TRIP6: variants seen among roughly 807,000 people sequenced by gnomAD.
TRIP6 encodes the protein thyroid hormone receptor interactor 6.
In TRIP6, 33 loss-of-function variants were observed where a neutral mutation model predicts 51.9. The observed-to-expected ratio is 0.64, with a 90% CI of 0.48 to 0.85. The LOEUF (loss-of-function observed/expected upper bound fraction) is 0.85, where lower values mean the gene tolerates loss of function less well. Ranked by LOEUF, TRIP6 falls within the 40% of genes least tolerant of loss-of-function variation. The pLI is 0.00. For synonymous variants in TRIP6, 255 were observed against 275.8 expected (o/e 0.92, Z 0.75); for missense variants, 661 against 652.1 (o/e 1.01, Z -0.15).
Position 100,872,618 on chromosome 7 carries a change from C to T in TRIP6, c.1179-6C>T, listed in dbSNP as rs771410636. Reference sequence around the variant, plus strand: ...TGATGGCCTTCTTGGTTCTCTTCCCCTGCAGGAAGTTTGCCCCAAGATGCT... The same window carrying T: ...TGATGGCCTTCTTGGTTCTCTTCCCTTGCAGGAAGTTTGCCCCAAGATGCT... On this transcript the variant is annotated splice_polypyrimidine_tract_variant and splice_region_variant and intron_variant, in intron 7 of 8. Coordinates refer to ENST00000200457, the MANE Select transcript of TRIP6 (RefSeq NM_003302.3). 6.2e-7 allele frequency: 1 copy of T among 1,613,964 alleles called. No homozygotes were observed. Among genetic ancestry groups the T allele is most frequent in the Admixed American group, 1.7e-5 (1 of 59,996 alleles).
rs926507013 is a variant in TRIP6 at position 100,870,914 on chromosome 7, A to G, written c.999+171A>G. ...CTGCAAGTATCAAGCAAGTAGCTTAACACTGGTGGCTGAAGGGAAGGACGC... is the reference window on the plus strand; with the variant it reads ...CTGCAAGTATCAAGCAAGTAGCTTAGCACTGGTGGCTGAAGGGAAGGACGC... On this transcript the variant is annotated intron_variant, in intron 6 of 8. Transcript: ENST00000200457. 8.8e-6 allele frequency: 8 copies of G among 910,004 alleles called. No homozygotes were observed. In the African/African-American group the frequency reaches 1.3e-4, roughly 15 times the overall value. 56.4% of individuals were successfully genotyped at this position (910,004 alleles called of 1,614,324 possible).
rs61748947 is a variant in TRIP6, at chr7:100,873,202, G to A, written c.1330G>A (p.Glu444Lys). ...ECGLLLSSEG[E>K]CQGCYPLDGH... ...TGGGCTGCTGCTCTCCTCTGAGGGC[G>A]AGTGTCAGGGCTGCTACCCGCTGGA... is the stretch of plus-strand genomic sequence containing the variant. The change falls in exon 9 of 9, where the codon GAG becomes AAG. Residue 444 changes from glutamate to lysine, a missense_variant. Transcript: ENST00000200457. 402 of 1,613,430 alleles carry A rather than the reference G, an allele frequency of 2.5e-4. 4 individuals are homozygous for A. The African/African-American group carries it at 4.9e-3, about 19-fold the overall frequency.
chr7:100,870,521 G>GA, intron 5 of TRIP6, 53 bp from the exon 6 acceptor site: 1 of 1,606,972 alleles, frequency 6.2e-7, no homozygotes, highest in Non-Finnish European at 8.5e-7. Context: ...AGACAGAGGG[G>GA]ACAGTGGCTT....
At chr7:100,872,852 CTTTTTT>C in intron 8 of TRIP6, 108 bp downstream of exon 8, 9 of 1,179,286 alleles carry the variant, frequency 7.6e-6, no homozygotes, top group East Asian at 3.1e-5. Context: ...TTGCTTCTTT[CTTTTTT>C]TTTTTTTTTT....
intron 7 of TRIP6, 119 bp downstream of exon 7, chr7:100,871,840 A>G: frequency 7.6e-7 from 1 of 1,307,516 alleles, no homozygotes; most frequent in Non-Finnish European, 1.0e-6. Context: ...GTTCTTTGTT[A>G]TTGTTATTTT....
At position 100,873,169 on chromosome 7, in the gene TRIP6, C is replaced by T. The variant is rs1815312397; in HGVS notation, c.1300-3C>T. 1.9e-6 allele frequency: 3 copies of T among 1,609,038 alleles called. No homozygotes were observed. Among genetic ancestry groups the T allele is most frequent in the Non-Finnish European group, 2.5e-6 (3 of 1,176,716 alleles). On this transcript the variant is annotated splice_polypyrimidine_tract_variant and splice_region_variant and intron_variant, in intron 8 of 8. Transcript: ENST00000200457. ...CGGCCAATTGTTGCTTCTTTTTCAA[C>T]AGGAGTGTGGGCTGCTGCTCTCCTC...
At position 100,867,592 on chromosome 7, in the gene TRIP6, C is replaced by T. The variant is rs1295296523; in HGVS notation, c.95C>T (p.Pro32Leu). ...CCCCGCGGCACCCCGGGGCCACCAC[C>T]GGCCCACGGAGCAGGTAAGGCAGCC... ...AIPRGTPGPPPAHGAALQPHP... is the reference protein window; with the variant it reads ...AIPRGTPGPPLAHGAALQPHP... The change falls in exon 1 of 9, where the codon CCG becomes CTG. Residue 32 changes from proline to leucine, a missense_variant. Physicochemically the swap from Pro to Leu is moderately conservative, Grantham distance 98 (BLOSUM62 -3). Transcript: ENST00000200457. This position sits in a 1 kb window ranked among gnomAD's most constrained non-coding sequence, Gnocchi z 5.4. 3.2e-6 allele frequency: 5 copies of T among 1,539,708 alleles called. No individual in the cohort carries two copies. The African/African-American group carries it at 4.1e-5, about 13-fold the overall frequency.
rs1193592859 is a variant in TRIP6 at position 100,873,127 on chromosome 7, GC to G, written c.1300-44del. On this transcript the variant is annotated intron_variant, in intron 8 of 8. Transcript: ENST00000200457. The stretch of plus-strand genomic sequence containing the variant: ...GCTTCTCAAAGTGCTGGGATTACAG[GC>G]GTGAGCCATCGCGCCCGGCCAATTG... 3 of 1,595,062 alleles carry G rather than the reference GC, an allele frequency of 1.9e-6. No homozygotes were observed. The Admixed American group carries it at 5.0e-5, about 27-fold the overall frequency.
In TRIP6 at chr7:100,873,323, C is replaced by G. The variant is rs1584720874; in HGVS notation, c.*20C>G. The G allele has an allele frequency of 1.3e-6, 2 of 1,588,736 alleles. No homozygotes were observed. Among genetic ancestry groups the G allele is most frequent in the Non-Finnish European group, 8.6e-7 (1 of 1,161,256 alleles). ...TGCTGAGTCTTCCTAGAAGTACCTGCTGGGTTCTCAGTTCCAGTTCCCATC... is the reference window on the plus strand; with the variant it reads ...TGCTGAGTCTTCCTAGAAGTACCTGGTGGGTTCTCAGTTCCAGTTCCCATC... On this transcript the variant is annotated 3_prime_UTR_variant, in exon 9 of 9. Transcript: ENST00000200457.
chr7:100,869,344 C>A (rs973733250), intron 4 of TRIP6, among the ~76,000 whole-genome samples: 3 of 150,974 alleles, frequency 2.0e-5, no homozygotes, highest in Admixed American at 2.0e-4. Flanking sequence ...ATAGAACTGC[C>A]CATTGGGGCT....
In TRIP6 at chr7:100,868,079, C is replaced by G. The variant is rs1324386773; in HGVS notation, c.238-29C>G. 3 of 1,609,930 alleles carry G rather than the reference C, an allele frequency of 1.9e-6. No individual in the cohort carries two copies. In the African/African-American group the frequency reaches 4.0e-5, roughly 22 times the overall value. On this transcript the variant is annotated intron_variant, in intron 2 of 8. Transcript: ENST00000200457. ...ACAGGAGAAGGCCTATGGTGATTTG[C>G]ATTCTTCCTGCCCTGGCTCCATCCT...
chr7:100,868,105 C>T lies in TRIP6; in HGVS notation c.238-3C>T. On this transcript the variant is annotated splice_polypyrimidine_tract_variant and splice_region_variant and intron_variant, in intron 2 of 8. Transcript: ENST00000200457. ...ATTCTTCCTGCCCTGGCTCCATCCTCAGGGGCTCCCTGCAGACAGGGGGGG... is the reference window on the plus strand; with the variant it reads ...ATTCTTCCTGCCCTGGCTCCATCCTTAGGGGCTCCCTGCAGACAGGGGGGG... 5 of 1,613,026 alleles carry T rather than the reference C, an allele frequency of 3.1e-6. No individual in the cohort carries two copies. Among genetic ancestry groups the T allele is most frequent in the Non-Finnish European group, 4.2e-6 (5 of 1,179,718 alleles).
chr7:100,872,758 A>G lies in TRIP6; in HGVS notation c.1299+14A>G. On this transcript the variant is annotated intron_variant, in intron 8 of 8. Transcript: ENST00000200457. Reference sequence around the variant, plus strand: ...TACAAGTGCGAGGTCAGGGGCCCCCAGCACGTGCAAGGGGCTGGCAGTGTC... The same window carrying G: ...TACAAGTGCGAGGTCAGGGGCCCCCGGCACGTGCAAGGGGCTGGCAGTGTC... 6.2e-7 allele frequency: 1 copy of G among 1,613,390 alleles called. No homozygotes were observed. Among genetic ancestry groups the G allele is most frequent in the Non-Finnish European group, 8.5e-7 (1 of 1,179,580 alleles).
rs148904920 is a variant in TRIP6 at position 100,872,651 on chromosome 7, C to T, written c.1206C>T (p.Cys402=). Residue 402 remains cysteine (C), a synonymous_variant, in exon 8 of 9, where the codon TGC becomes TGT. Transcript: ENST00000200457. The part of the protein sequence containing the change: ...HRKFAPRCSV[C]GGAIMPEPGQ... ...AGTTTGCCCCAAGATGCTCAGTGTG[C>T]GGTGGGGCCATAATGCCTGAGCCAG... is the stretch of plus-strand genomic sequence containing the variant. 45 of 1,613,916 alleles carry T rather than the reference C, an allele frequency of 2.8e-5. 1 individual carries two copies. Among genetic ancestry groups the T allele is most frequent in the South Asian group, 1.1e-4 (10 of 91,072 alleles).
chr7:100,868,443 G>C, intron 3 of TRIP6, 52 bp from the exon 4 acceptor site: 2 of 1,611,530 alleles, frequency 1.2e-6, no homozygotes, highest in Non-Finnish European at 1.7e-6. Flanking sequence ...CACAAATGTG[G>C]GTCTTGGAGT....
chr7:100,867,941 C>T lies in TRIP6; in HGVS notation c.190C>T (p.Arg64Trp), dbSNP rs146406416. 958 of 1,514,452 alleles carry T rather than the reference C, an allele frequency of 6.3e-4. 1 individual carries two copies. Among genetic ancestry groups the T allele is most frequent in the Non-Finnish European group, 8.0e-4 (906 of 1,135,748 alleles). The allele number at this position is 1,514,452 out of a possible 1,614,324, so 93.8% of individuals were successfully genotyped here. ...CCAGGCCCCAGGGGGACCGGAGGAT[C>T]GGGGGCCGGCGTGGGTGGGGTCCCA... ...CYQAPGGPEDRGPAWVGSHGV... is the reference protein window; with the variant it reads ...CYQAPGGPEDWGPAWVGSHGV... Residue 64 changes from arginine to tryptophan, a missense_variant, in exon 2 of 9, where the codon CGG becomes TGG. Transcript: ENST00000200457. This position sits in a 1 kb window ranked among gnomAD's most constrained non-coding sequence, Gnocchi z 5.4.
chr7:100,867,429 C>A lies in TRIP6; in HGVS notation c.-69C>A. 8.6e-7 allele frequency: 1 copy of A among 1,162,544 alleles called. No homozygotes were observed. Among genetic ancestry groups the A allele is most frequent in the Non-Finnish European group, 1.2e-6 (1 of 863,964 alleles). 72.0% of individuals were successfully genotyped at this position (1,162,544 alleles called of 1,614,324 possible). ...CTGGAGTCCCAAACGAGGTGCGGGA[C>A]GGAAGAGGGGGTGAAGGCCAGAGGC... On this transcript the variant is annotated 5_prime_UTR_variant, in exon 1 of 9. Coordinates refer to ENST00000200457, the MANE Select transcript of TRIP6 (RefSeq NM_003302.3). This position sits in a 1 kb window ranked among gnomAD's most constrained non-coding sequence, Gnocchi z 5.4.
chr7:100,871,855 A>G, intron 7 of TRIP6, 134 bp downstream of exon 7: 1 of 1,216,146 alleles, frequency 8.2e-7, no homozygotes, highest in Non-Finnish European at 1.1e-6. Flanking sequence ...TATTTTTTAG[A>G]GACGGAGTTT....
At position 100,867,716 on chromosome 7, in the gene TRIP6, G is replaced by C; in HGVS notation, c.109+110G>C. On this transcript the variant is annotated intron_variant, in intron 1 of 8. Transcript: ENST00000200457. The surrounding 1 kb of genome is among the most constrained non-coding windows in gnomAD (Gnocchi z 5.4). ...CTTCCTCCTGCCCCTTCCCCAAGCC[G>C]AGGCGGGGGGAACAGCCGCCTGCGC... 6.6e-7 allele frequency: 1 copy of C among 1,518,658 alleles called. No individual in the cohort carries two copies. The allele number at this position is 1,518,658 out of a possible 1,614,324, so 94.1% of individuals were successfully genotyped here. A position where few individuals can be genotyped will look rare whatever the true frequency, so the allele number is the denominator to read the frequency against.
Sources: allele counts gnomAD v4.1 joint callset (sites outside exome capture counted in the v4.1 genomes callset), GRCh38; gene constraint gnomAD v4.1.1; non-coding constraint Gnocchi (gnomAD v3.1); transcripts MANE v1.5; gene names NCBI Gene and HGNC (gene_info 2026-07-23, HGNC 2026-07-21).